PCDHA2: variants seen among roughly 807,000 people sequenced by gnomAD.
PCDHA2 encodes the protein protocadherin alpha-2.
Under a neutral mutation model 66.0 loss-of-function variants are expected in PCDHA2, and 58 were observed. That is an observed-to-expected ratio of 0.88 (90% confidence interval 0.71 to 1.09). PCDHA2 has a LOEUF of 1.09. PCDHA2 is among the 50% of genes least tolerant of loss of function. PCDHA2 has a pLI of 0.00. For missense variants in PCDHA2, 1,267 were observed against 1,242.3 expected, an observed-to-expected ratio of 1.02 and a Z score of -0.30; for synonymous variants, 634 against 554.0, an observed-to-expected ratio of 1.14 and a Z score of -2.03.
At chr5:140,997,727 C>G (rs2097783097) in intron 3 of PCDHA2, among the ~76,000 whole-genome samples, 1 of 151,244 alleles carries the variant, frequency 6.6e-6, no homozygotes, top group Admixed American at 6.6e-5. Flanking sequence ...TACGTCAGTA[C>G]ATATAGATTT....
rs782763566 is a variant in PCDHA2, at chr5:140,796,338, T to G, written c.1374T>G (p.Pro458=). The G allele has an allele frequency of 1.2e-6, 2 of 1,613,988 alleles. No homozygotes were observed. The highest frequency in any genetic ancestry group is 2.2e-5 in the East Asian group (1 of 44,872). Residue 458 remains proline, a synonymous_variant, in exon 1 of 4, where the codon CCT becomes CCG. Transcript: ENST00000526136. The part of the protein sequence containing the change: ...VNDNAPAFAQ[P]EYTVFVKENN... ...ACAACGCGCCGGCGTTCGCACAGCC[T>G]GAGTACACAGTATTCGTGAAGGAGA...
At chr5:140,832,074 T>C (rs2150199699) in intron 1 of PCDHA2, among the ~76,000 whole-genome samples, 2 of 152,370 alleles carry the variant, frequency 1.3e-5, no homozygotes, top group East Asian at 3.8e-4. Context: ...CTGAGATGTC[T>C]CTAACATTTT....
chr5:140,807,664 T>C (rs781787509), intron 1 of PCDHA2: 1 of 1,614,224 alleles, frequency 6.2e-7, no homozygotes, highest in East Asian at 2.2e-5. Context: ...GCGCCTCGGA[T>C]GCAGATATCG....
At chr5:140,864,861 G>C (rs2048633310) in intron 1 of PCDHA2, 1 of 152,100 alleles carries the variant, frequency 6.6e-6, no homozygotes, top group African/African-American at 2.4e-5. Flanking sequence ...ATGATGAAGG[G>C]TGATACCATT....
intron 1 of PCDHA2, chr5:140,824,125 A>T (rs2150132340): frequency 6.2e-7 from 1 of 1,613,888 alleles, no homozygotes; most frequent in South Asian, 1.1e-5. Flanking sequence ...CTCTACAGAC[A>T]ACGTGAGTTT....
At chr5:140,990,981 A>G (rs1554251870) in intron 3 of PCDHA2, among the ~76,000 whole-genome samples, 1 of 152,206 alleles carries the variant, frequency 6.6e-6, no homozygotes, top group Non-Finnish European at 1.5e-5. Context: ...AGAAAGGAAG[A>G]CAATAGCTAC....
At chr5:140,815,471 C>G (rs1243746743) in intron 1 of PCDHA2, 2 of 152,062 alleles carry the variant, frequency 1.3e-5, no homozygotes, top group East Asian at 3.8e-4. Context: ...ATTATGTTTA[C>G]TTCTCCCCTA....
chr5:140,807,783 C>T (rs782393420), intron 1 of PCDHA2: 10 of 1,614,144 alleles, frequency 6.2e-6, no homozygotes, highest in Non-Finnish European at 7.6e-6. Context: ...TTACGGAAAT[C>T]TTTAGACAGA....
intron 1 of PCDHA2, chr5:140,843,106 C>T: frequency 1.9e-6 from 3 of 1,595,704 alleles, no homozygotes; most frequent in Non-Finnish European, 2.6e-6. Context: ...CGAAGGTGCG[C>T]GCAGTGGACG....
In PCDHA2 at chr5:140,829,763, G is replaced by C. The variant is rs2150174106; in HGVS notation, c.2388+32411G>C. On this transcript the variant is annotated intron_variant, in intron 1 of 3. Coordinates refer to ENST00000526136, the MANE Select transcript of PCDHA2 (RefSeq NM_018905.3). ...GACGCTGCAGGTGTTCGTGCTGGAC[G>C]AGAACGACAACGCGCCGGCGCTGCT... The C allele has an allele frequency of 5.8e-5, 94 of 1,613,770 alleles. No homozygotes were observed. In the East Asian group the frequency reaches 2.1e-3, roughly 36 times the overall value.
intron 1 of PCDHA2, chr5:140,883,009 T>C (rs782092684): frequency 1.2e-6 from 2 of 1,614,126 alleles, no homozygotes; most frequent in South Asian, 2.2e-5. Flanking sequence ...AATCCGTTTA[T>C]AAAGTGACGG....
intron 1 of PCDHA2, among the ~76,000 whole-genome samples, chr5:140,800,541 T>A (rs1554121154): frequency 6.6e-6 from 1 of 152,210 alleles, no homozygotes; most frequent in Non-Finnish European, 1.5e-5. Context: ...TCTGAAAGGA[T>A]CTGATTTTTC....
chr5:140,927,499 C>G (rs781977423), intron 1 of PCDHA2: 1 of 1,614,136 alleles, frequency 6.2e-7, no homozygotes, highest in Admixed American at 1.7e-5. Context: ...CCTGCTGGTG[C>G]TTACAGCTCG....
At chr5:140,959,428 A>AT (rs2095488424) in intron 1 of PCDHA2, among the ~76,000 whole-genome samples, 1 of 152,102 alleles carries the variant, frequency 6.6e-6, no homozygotes, top group Non-Finnish European at 1.5e-5. Context: ...GAATTTGTGT[A>AT]TTTTTTTCTA....
At chr5:140,833,399 G>C (rs1554133822) in intron 1 of PCDHA2, among the ~76,000 whole-genome samples, 1 of 152,156 alleles carries the variant, frequency 6.6e-6, no homozygotes, top group Non-Finnish European at 1.5e-5. Context: ...CTCAAGACTT[G>C]ATCAAAGGGC....
At chr5:140,835,676 C>T (rs1554135187) in intron 1 of PCDHA2, 1 of 1,613,896 alleles carries the variant, frequency 6.2e-7, no homozygotes. Flanking sequence ...GGGACGGGGG[C>T]TCGCCTTCTC....
In PCDHA2 at chr5:140,829,586, G is replaced by T. The variant is rs2150170634; in HGVS notation, c.2388+32234G>T. 6.2e-7 allele frequency: 1 copy of T among 1,612,232 alleles called. No individual in the cohort carries two copies. The highest frequency in any genetic ancestry group is 8.5e-7 in the Non-Finnish European group (1 of 1,179,786). On this transcript the variant is annotated intron_variant, in intron 1 of 3. Coordinates refer to ENST00000526136, the MANE Select transcript of PCDHA2 (RefSeq NM_018905.3). ...GTCCTACTCGCTGGTGGAGCGGCGG[G>T]TGGGCGAGCGCGCGTTGTCGAGCTA... is the stretch of plus-strand genomic sequence containing the variant.
intron 3 of PCDHA2, among the ~76,000 whole-genome samples, chr5:140,986,404 G>GT (rs2097199196): frequency 6.6e-6 from 1 of 152,190 alleles, no homozygotes; most frequent in Non-Finnish European, 1.5e-5. Context: ...AGTCGCTCAT[G>GT]TTACAGCTCT....
intron 1 of PCDHA2, chr5:140,835,821 G>T (rs375168399): frequency 3.1e-6 from 5 of 1,612,714 alleles, no homozygotes; most frequent in East Asian, 2.2e-5. Flanking sequence ...TGTGTCGGCG[G>T]GGGACGCGGA....
Sources: allele counts gnomAD v4.1 joint callset (sites outside exome capture counted in the v4.1 genomes callset), GRCh38; gene constraint gnomAD v4.1.1; transcripts MANE v1.5; gene names NCBI Gene and HGNC (gene_info 2026-07-23, HGNC 2026-07-21).